DLGAP1: variants seen among roughly 807,000 people sequenced by gnomAD.
DLGAP1 encodes the protein disks large-associated protein 1.
In DLGAP1, 11 loss-of-function variants were observed where a neutral mutation model predicts 90.8. The observed-to-expected ratio is 0.12, with a 90% CI of 0.08 to 0.20. The LOEUF is 0.20. Among genes scored for constraint, DLGAP1 ranks in the 10% least tolerant of loss-of-function variants. The pLI, the probability that DLGAP1 is intolerant of heterozygous loss-of-function variation, is 1.00. For missense variants in DLGAP1, 1,050 were observed against 1,333.8 expected, an observed-to-expected ratio of 0.79 and a Z score of 3.31; for synonymous variants, 558 against 540.7, an observed-to-expected ratio of 1.03 and a Z score of -0.44.
Position 3,775,305 on chromosome 18 carries a change from T to C in DLGAP1, c.1173-32793A>G, listed in dbSNP as rs927706304. 6.6e-6 allele frequency among the ~76,000 whole-genome samples: 1 copy of C among 152,214 alleles called. No homozygotes were observed. Among genetic ancestry groups the C allele is most frequent in the African/African-American group, 2.4e-5 (1 of 41,450 alleles). ...GTCCCCACACAAATCTCATGTCAAA[T>C]TGTCATCCTCACATGTTGGCGGAAG... On this transcript the variant is annotated intron_variant, in intron 5 of 12. Coordinates refer to ENST00000315677, the MANE Select transcript of DLGAP1 (RefSeq NM_004746.4). The surrounding 1 kb of genome is among the most constrained non-coding windows in gnomAD (Gnocchi z 4.9).
intron 10 of DLGAP1, among the ~76,000 whole-genome samples, chr18:3,527,410 C>CTGGT (rs1555668846): frequency 9.9e-6 from 1 of 100,684 alleles, no homozygotes; most frequent in Non-Finnish European, 1.9e-5. Context: ...ATTTTCCAAA[C>CTGGT]TTTTTTTTTT....
chr18:4,265,134 T>TTCCTTCCTTCCTTC (rs61084906), intron 1 of DLGAP1, among the ~76,000 whole-genome samples: 59 of 140,212 alleles, frequency 4.2e-4, no homozygotes, highest in African/African-American at 1.6e-3. Context: ...TTCCTTCCTT[T>TTCCTTCCTTCCTTC]CCTCCCTCCC....
chr18:4,368,380 G>A (rs954527624), intron 1 of DLGAP1, among the ~76,000 whole-genome samples: 1 of 152,220 alleles, frequency 6.6e-6, no homozygotes, highest in Middle Eastern at 3.4e-3. Flanking sequence ...TAAGATCAAA[G>A]TTTAAATCAG....
intron 1 of DLGAP1, among the ~76,000 whole-genome samples, chr18:4,352,906 G>A (rs189991780): frequency 2.0e-5 from 3 of 152,266 alleles, no homozygotes; most frequent in Admixed American, 6.5e-5. Context: ...CACTGAGCAC[G>A]TTTAAGCACT....
intron 7 of DLGAP1, among the ~76,000 whole-genome samples, chr18:3,703,271 T>TGAGA (rs2147143304): frequency 6.6e-6 from 1 of 152,368 alleles, no homozygotes; most frequent in South Asian, 2.1e-4. Context: ...ACTTGCCAAC[T>TGAGA]GAGAGCCTTT....
At chr18:3,670,274 A>G (rs2060042423) in intron 7 of DLGAP1, among the ~76,000 whole-genome samples, 1 of 152,084 alleles carries the variant, frequency 6.6e-6, no homozygotes, top group Admixed American at 6.5e-5. Context: ...GCTACTAACA[A>G]TCATGCAAAA....
intron 3 of DLGAP1, among the ~76,000 whole-genome samples, chr18:3,956,583 C>T (rs910791436): frequency 6.6e-6 from 1 of 151,920 alleles, no homozygotes; most frequent in East Asian, 1.9e-4. Flanking sequence ...CTCCTGACCT[C>T]GTGATCCACC....
chr18:3,684,662 G>C (rs1428122340), intron 7 of DLGAP1, among the ~76,000 whole-genome samples: 2 of 152,164 alleles, frequency 1.3e-5, no homozygotes, highest in Non-Finnish European at 2.9e-5. Flanking sequence ...AGACAACGGG[G>C]TTGGGGCACC....
At chr18:4,123,803 C>A (rs369011612) in intron 2 of DLGAP1, among the ~76,000 whole-genome samples, 1 of 152,130 alleles carries the variant, frequency 6.6e-6, no homozygotes, top group Non-Finnish European at 1.5e-5. Context: ...GTTTATAAGG[C>A]GGGTTTCTGG....
At chr18:4,062,481 A>T (rs1377186306) in intron 2 of DLGAP1, among the ~76,000 whole-genome samples, 1 of 152,128 alleles carries the variant, frequency 6.6e-6, no homozygotes, top group East Asian at 1.9e-4. Flanking sequence ...CCTTGAGGAG[A>T]GAAGCTTACC....
chr18:3,540,154 G>A (rs760715883), intron 9 of DLGAP1, among the ~76,000 whole-genome samples: 1 of 151,982 alleles, frequency 6.6e-6, no homozygotes, highest in Non-Finnish European at 1.5e-5. Context: ...AGGCACGGGC[G>A]TGAGGAGACC....
At chr18:3,851,228 A>G (rs1308039582) in intron 4 of DLGAP1, among the ~76,000 whole-genome samples, 1 of 152,198 alleles carries the variant, frequency 6.6e-6, no homozygotes, top group African/African-American at 2.4e-5. Flanking sequence ...GTGCTGCAGA[A>G]AAGACTGAAA....
At chr18:3,941,443 T>C (rs1038905480) in intron 3 of DLGAP1, among the ~76,000 whole-genome samples, 8 of 152,058 alleles carry the variant, frequency 5.3e-5, no homozygotes, top group African/African-American at 1.2e-4. Flanking sequence ...GGAACCAAGG[T>C]TGGGCAAAGT....
intron 1 of DLGAP1, among the ~76,000 whole-genome samples, chr18:4,171,757 A>C (rs995128651): frequency 2.0e-5 from 3 of 152,172 alleles, no homozygotes; most frequent in Non-Finnish European, 4.4e-5. Flanking sequence ...GAAGAGCACA[A>C]ATGTCATAGA....
intron 1 of DLGAP1, among the ~76,000 whole-genome samples, chr18:4,177,465 T>TGTTTTAACTTTTATTTTAGGTTCAG: frequency 6.6e-6 from 1 of 152,258 alleles, no homozygotes; most frequent in Non-Finnish European, 1.5e-5. Context: ...GTTCTTTTTT[T>TGTTTTAACTTTTATTTTAGGTTCAG]GTTTTAACTT....
At chr18:3,913,563 G>GCC (rs1442858006) in intron 3 of DLGAP1, among the ~76,000 whole-genome samples, 1 of 152,146 alleles carries the variant, frequency 6.6e-6, no homozygotes. Flanking sequence ...GCTAATACAA[G>GCC]ATCAGAGAGA....
chr18:4,358,045 G>T (rs2081558878), intron 1 of DLGAP1, among the ~76,000 whole-genome samples: 1 of 152,198 alleles, frequency 6.6e-6, no homozygotes, highest in Non-Finnish European at 1.5e-5. Context: ...TGGAGTAACA[G>T]AGAGCATAAA....
chr18:4,449,059 A>T (rs903897734), intron 1 of DLGAP1, among the ~76,000 whole-genome samples: 1 of 152,172 alleles, frequency 6.6e-6, no homozygotes, highest in African/African-American at 2.4e-5. Flanking sequence ...ACAGGCATAT[A>T]CGCAGAAAAT....
intron 3 of DLGAP1, chr18:3,978,308 A>G (rs932355655): frequency 3.5e-5 from 14 of 396,208 alleles, no homozygotes; most frequent in African/African-American, 2.7e-4. Flanking sequence ...CTCCATGGTC[A>G]TGAAGACACC....
Sources: gnomAD v4.1 joint callset for allele counts (sites outside exome capture counted in the v4.1 genomes callset) on GRCh38, gnomAD v4.1.1 for gene constraint, Gnocchi (gnomAD v3.1) non-coding constraint, MANE v1.5 for transcripts, NCBI Gene and HGNC (gene_info 2026-07-23, HGNC 2026-07-21) for gene names.